The following CSNK1A1 variants were observed in gnomAD, a reference collection of about 807,000 sequenced individuals.
CSNK1A1 encodes casein kinase I isoform alpha.
Under a neutral mutation model 46.1 loss-of-function variants are expected in CSNK1A1, and 7 were observed. That is an observed-to-expected ratio of 0.15 (90% CI 0.09 to 0.29). CSNK1A1 has a LOEUF of 0.29. Among genes scored for constraint, CSNK1A1 ranks in the 10% least tolerant of loss-of-function variants. CSNK1A1 has a pLI of 1.00. For synonymous variants in CSNK1A1, 137 were observed against 141.5 expected, an observed-to-expected ratio of 0.97 and a Z score of 0.23; for missense variants, 96 against 417.1, an observed-to-expected ratio of 0.23 and a Z score of 6.71.
intron 2 of CSNK1A1, among the ~76,000 whole-genome samples, chr5:149,538,470 G>A (rs1390609588): frequency 6.6e-6 from 1 of 152,128 alleles, no homozygotes; most frequent in African/African-American, 2.4e-5. Context: ...CAGAGCTCTC[G>A]TTTGAAGAAT....
Position 149,514,696 on chromosome 5 carries a change from A to T in CSNK1A1, c.457-1487T>A, listed in dbSNP as rs1902793. 1.5e-3 allele frequency among the ~76,000 whole-genome samples: 236 copies of T among 152,296 alleles called. 4 individuals are homozygous for T. Among genetic ancestry groups the T allele is most frequent in the Admixed American group, 0.013 (193 of 15,300 alleles). On this transcript the variant is annotated intron_variant, in intron 4 of 9. Coordinates refer to ENST00000377843, the MANE Select transcript of CSNK1A1 (RefSeq NM_001892.6). ...TTTAGGTTATAAAGATCTGACCAGT[A>T]CCTCTCCTAGGAGCATGAGTAACAT... is the stretch of plus-strand genomic sequence containing the variant.
In CSNK1A1 at chr5:149,513,117, G is replaced by T; in HGVS notation, c.549C>A (p.Gly183=). 1 of 1,614,102 alleles carries T rather than the reference G, an allele frequency of 6.2e-7. No homozygotes were observed. The highest frequency in any genetic ancestry group is 8.5e-7 in the Non-Finnish European group (1 of 1,179,998). The change falls in exon 5 of 10, where the codon GGC becomes GGA. Residue 183 remains glycine (G), a synonymous_variant. Coordinates refer to ENST00000377843, the MANE Select transcript of CSNK1A1 (RefSeq NM_001892.6). ...CATTGATGCTAGCATATCGGGCAGT[G>T]CCAGTGAGGTTTTTATCTTCTCTGT... The part of the protein sequence containing the change: ...IPYREDKNLT[G]TARYASINAH...
chr5:149,504,155 G>C (rs1469738723), intron 9 of CSNK1A1: 2 of 985,246 alleles, frequency 2.0e-6, no homozygotes, highest in African/African-American at 3.5e-5. Context: ...GTGAACATTA[G>C]GGTTTGCTAT....
At chr5:149,496,995 T>C in intron 9 of CSNK1A1, 135 bp from the exon 10 acceptor site, 1 of 1,445,766 alleles carries the variant, frequency 6.9e-7, no homozygotes, top group Non-Finnish European at 9.0e-7. Context: ...TTGTGAAAAG[T>C]ATTAGCTCAA....
chr5:149,504,401 T>C, intron 9 of CSNK1A1: 1 of 981,268 alleles, frequency 1.0e-6, no homozygotes, highest in Non-Finnish European at 1.2e-6. Flanking sequence ...GAAGCAAAGA[T>C]TAATCTATAA....
chr5:149,542,928 C>A (rs1762351841), intron 2 of CSNK1A1, among the ~76,000 whole-genome samples: 1 of 151,244 alleles, frequency 6.6e-6, no homozygotes, highest in Admixed American at 6.6e-5. Context: ...CTCCTGACCT[C>A]AGGTGATCCG....
At position 149,504,998 on chromosome 5, in the gene CSNK1A1, T is replaced by A. The variant is rs968351139; in HGVS notation, c.1006+449A>T. 13 of 985,704 alleles carry A rather than the reference T, an allele frequency of 1.3e-5. No homozygotes were observed. In the African/African-American group the frequency reaches 2.3e-4, roughly 17 times the overall value. The allele number at this position is 985,704 out of a possible 1,614,324, so 61.1% of individuals were successfully genotyped here. On this transcript the variant is annotated intron_variant, in intron 9 of 9. Transcript: ENST00000377843. ...CATTTTAAATGCTAAAGCATTAACA[T>A]GCAAAATAAAAAATCTTAACATTGT...
chr5:149,508,298 TA>T (rs1761101621), intron 7 of CSNK1A1, among the ~76,000 whole-genome samples: 1 of 152,200 alleles, frequency 6.6e-6, no homozygotes, highest in Non-Finnish European at 1.5e-5. Flanking sequence ...AAATAATACA[TA>T]TTATACATCT....
Position 149,513,115 on chromosome 5 carries a change from G to C in CSNK1A1, c.551C>G (p.Thr184Ser), listed in dbSNP as rs1227438283. 6.2e-7 allele frequency: 1 copy of C among 1,614,106 alleles called. No individual in the cohort carries two copies. The highest frequency in any genetic ancestry group is 8.5e-7 in the Non-Finnish European group (1 of 1,180,002). Residue 184 changes from threonine to serine, a missense_variant, in exon 5 of 10, where the codon ACT becomes AGT. Thr to Ser is a moderately conservative substitution (Grantham distance 58, BLOSUM62 1). Coordinates refer to ENST00000377843, the MANE Select transcript of CSNK1A1 (RefSeq NM_001892.6). ...TGCATTGATGCTAGCATATCGGGCAGTGCCAGTGAGGTTTTTATCTTCTCT... is the reference window on the plus strand; with the variant it reads ...TGCATTGATGCTAGCATATCGGGCACTGCCAGTGAGGTTTTTATCTTCTCT... ...PYREDKNLTGTARYASINAHL... is the reference protein window; with the variant it reads ...PYREDKNLTGSARYASINAHL...
At chr5:149,545,202 C>T (rs1348353137) in intron 2 of CSNK1A1, among the ~76,000 whole-genome samples, 1 of 151,958 alleles carries the variant, frequency 6.6e-6, no homozygotes, top group Non-Finnish European at 1.5e-5. Flanking sequence ...CAAGGGTCAA[C>T]TGTAATTTTA....
chr5:149,529,801 T>C, intron 2 of CSNK1A1: 1 of 453,550 alleles, frequency 2.2e-6, no homozygotes, highest in Non-Finnish European at 4.4e-6. Flanking sequence ...TTGGCATCAG[T>C]ATACAATATG....
intron 9 of CSNK1A1, chr5:149,501,916 G>T (rs186105079): frequency 1.1e-6 from 1 of 949,690 alleles, no homozygotes; most frequent in African/African-American, 1.8e-5. Context: ...TTTTTCTTGG[G>T]AACATGAATA....
chr5:149,520,507 G>A, intron 3 of CSNK1A1, 119 bp from the exon 4 acceptor site: 1 of 606,888 alleles, frequency 1.6e-6, no homozygotes, highest in East Asian at 2.8e-5. Context: ...TAAAGAAAAT[G>A]AAATGGAAAG....
intron 2 of CSNK1A1, among the ~76,000 whole-genome samples, chr5:149,526,434 T>G (rs1232167093): frequency 6.6e-6 from 1 of 152,188 alleles, no homozygotes; most frequent in African/African-American, 2.4e-5. Context: ...CCCAAAGCAC[T>G]GGGATTACAA....
chr5:149,510,635 C>T (rs963289179), intron 6 of CSNK1A1, among the ~76,000 whole-genome samples: 9 of 151,980 alleles, frequency 5.9e-5, no homozygotes, highest in African/African-American at 1.9e-4. Flanking sequence ...TGTGACACTA[C>T]ACCCTGCTAT....
chr5:149,511,921 A>C (rs1249677293), intron 5 of CSNK1A1, 49 bp from the exon 6 acceptor site: 4 of 1,419,176 alleles, frequency 2.8e-6, no homozygotes, highest in African/African-American at 2.9e-5. Flanking sequence ...ATTATGAAAA[A>C]ACATATGAAA....
At chr5:149,497,594 T>C (rs1760693131) in intron 9 of CSNK1A1, 1 of 985,378 alleles carries the variant, frequency 1.0e-6, no homozygotes, top group Non-Finnish European at 1.2e-6. Flanking sequence ...ATAACCACAC[T>C]TTATCTACAG....
chr5:149,528,555 T>C (rs1207915157), intron 2 of CSNK1A1, among the ~76,000 whole-genome samples: 1 of 152,212 alleles, frequency 6.6e-6, no homozygotes, highest in African/African-American at 2.4e-5. Flanking sequence ...CCAATCTTAC[T>C]TATTCTTAGT....
rs1021808702 is a variant in CSNK1A1 at position 149,504,084 on chromosome 5, G to A, written c.1006+1363C>T. The A allele has an allele frequency of 9.1e-6, 9 of 985,242 alleles. No individual in the cohort carries two copies. In the Admixed American group the frequency reaches 3.7e-4, roughly 40 times the overall value. 61.0% of individuals were successfully genotyped at this position (985,242 alleles called of 1,614,324 possible). A position where few individuals can be genotyped will look rare whatever the true frequency, so the allele number is the denominator to read the frequency against. ...TTCTTGGCACTATGATTAGTTATAC[G>A]ATGATTAAAACACTCAAAAGGAGCA... On this transcript the variant is annotated intron_variant, in intron 9 of 9. Transcript: ENST00000377843.
Sources: gnomAD v4.1 joint callset for allele counts (sites outside exome capture counted in the v4.1 genomes callset) on GRCh38, gnomAD v4.1.1 for gene constraint, MANE v1.5 for transcripts, NCBI Gene and HGNC (gene_info 2026-07-23, HGNC 2026-07-21) for gene names.